The following GPAT3 variants were observed in gnomAD, a reference collection of about 807,000 sequenced individuals.
GPAT3 encodes the protein 1-AGP acyltransferase 9.
Under a neutral mutation model 58.8 loss-of-function variants are expected in GPAT3, and 53 were observed. That is an observed-to-expected ratio of 0.90 (90% CI 0.72 to 1.13). The LOEUF is 1.13. Among genes scored for constraint, GPAT3 ranks in the 50% most tolerant of loss-of-function variants. The pLI is 0.00. For missense variants in GPAT3, 511 were observed against 527.6 expected (o/e 0.97, Z 0.31); for synonymous variants, 197 against 187.4 (o/e 1.05, Z -0.42).
chr4:83,563,478 C>CTTTTTTTTTTTTTTTT (rs908400401), intron 2 of GPAT3, among the ~76,000 whole-genome samples: 1 of 114,456 alleles, frequency 8.7e-6, no homozygotes, highest in Non-Finnish European at 1.8e-5. Flanking sequence ...TTTCTTTCTT[C>CTTTTTTTTTTTTTTTT]TTTTTTTTTT....
At chr4:83,604,422 G>A in intron 11 of GPAT3, among the ~76,000 whole-genome samples, 1 of 152,102 alleles carries the variant, frequency 6.6e-6, no homozygotes, top group South Asian at 2.1e-4. Context: ...ACTGAGTTGG[G>A]GATATTGTTA....
rs1399650793 is a variant in GPAT3, at chr4:83,552,045, TG to T, written c.208+7445del. Among the ~76,000 whole-genome samples, 6 of 152,166 alleles carry T rather than the reference TG, an allele frequency of 3.9e-5. No individual in the cohort carries two copies. The East Asian group carries it at 9.6e-4, about 24-fold the overall frequency. On this transcript the variant is annotated intron_variant, in intron 2 of 11. Coordinates refer to ENST00000264409, the MANE Select transcript of GPAT3 (RefSeq NM_032717.5). ...GGTACCTTCTTGGGATGTGATTTGA[TG>T]GTTATCTGCTCCAAAACACAGCTCC...
chr4:83,565,804 G>A (rs1221678790), intron 2 of GPAT3, among the ~76,000 whole-genome samples: 2 of 152,212 alleles, frequency 1.3e-5, no homozygotes, highest in Non-Finnish European at 2.9e-5. Flanking sequence ...CTCATGCCCC[G>A]AGCTCTCGGC....
intron 3 of GPAT3, among the ~76,000 whole-genome samples, 199 bp from the exon 4 acceptor site, chr4:83,587,056 T>C (rs532915052): frequency 1.3e-5 from 2 of 152,258 alleles, no homozygotes; most frequent in African/African-American, 4.8e-5. Flanking sequence ...CTTACTTTGC[T>C]TTTTGCCTCT....
intron 2 of GPAT3, among the ~76,000 whole-genome samples, chr4:83,546,039 C>T (rs994370526): frequency 7.9e-5 from 12 of 152,160 alleles, no homozygotes; most frequent in African/African-American, 1.2e-4. Flanking sequence ...GGCTGGAGTG[C>T]GGTGGCGAGA....
chr4:83,594,456 C>A (rs1377435560), intron 6 of GPAT3, among the ~76,000 whole-genome samples: 5 of 152,172 alleles, frequency 3.3e-5, no homozygotes. Context: ...TGCTCCCTTC[C>A]ACCAAGCAAT....
intron 1 of GPAT3, among the ~76,000 whole-genome samples, chr4:83,538,713 C>A (rs6857743): frequency 0.011 from 1,615 of 152,108 alleles, 29 homozygotes; most frequent in African/African-American, 0.037. Context: ...AGTCCAGGAT[C>A]TGACTTTCAG....
intron 3 of GPAT3, 82 bp downstream of exon 3, chr4:83,581,914 T>C: frequency 1.3e-6 from 2 of 1,515,910 alleles, no homozygotes; most frequent in Non-Finnish European, 1.8e-6. Flanking sequence ...CACGTAAGTG[T>C]TCTGTGGTGC....
At chr4:83,580,394 G>A (rs1157734365) in intron 2 of GPAT3, among the ~76,000 whole-genome samples, 2 of 152,102 alleles carry the variant, frequency 1.3e-5, no homozygotes, top group African/African-American at 2.4e-5. Context: ...GTTAATGGGT[G>A]CATTTTATAT....
chr4:83,574,967 CTG>C (rs1491469315), intron 2 of GPAT3, among the ~76,000 whole-genome samples: 6 of 150,602 alleles, frequency 4.0e-5, no homozygotes, highest in African/African-American at 7.3e-5. Flanking sequence ...GCTCCGCCCC[CTG>C]GGGTTCACGC....
chr4:83,583,209 G>A (rs565666543), intron 3 of GPAT3, among the ~76,000 whole-genome samples: 1 of 152,070 alleles, frequency 6.6e-6, no homozygotes, highest in African/African-American at 2.4e-5. Flanking sequence ...CAGGAGAATC[G>A]CTTGAACCTG....
At chr4:83,551,953 A>G (rs1365076394) in intron 2 of GPAT3, among the ~76,000 whole-genome samples, 4 of 152,050 alleles carry the variant, frequency 2.6e-5, no homozygotes, top group African/African-American at 7.2e-5. Context: ...ACCAAATAAA[A>G]CATCAGTAGT....
At chr4:83,559,312 A>G (rs1488799392) in intron 2 of GPAT3, among the ~76,000 whole-genome samples, 1 of 152,032 alleles carries the variant, frequency 6.6e-6, no homozygotes, top group African/African-American at 2.4e-5. Context: ...TAAGCAGAGA[A>G]AGCAGGAAAG....
chr4:83,548,929 T>C (rs1398788125), intron 2 of GPAT3, among the ~76,000 whole-genome samples: 1 of 152,176 alleles, frequency 6.6e-6, no homozygotes, highest in Non-Finnish European at 1.5e-5. Context: ...AATTTTACTT[T>C]GGGAATTTTT....
At chr4:83,571,707 CAT>C (rs377150867) in intron 2 of GPAT3, among the ~76,000 whole-genome samples, 4 of 150,592 alleles carry the variant, frequency 2.7e-5, no homozygotes, top group South Asian at 2.1e-4. Flanking sequence ...TACACACACA[CAT>C]ATATATACAC....
At chr4:83,574,882 G>GT (rs1317801458) in intron 2 of GPAT3, among the ~76,000 whole-genome samples, 19,058 of 96,698 alleles carry the variant, frequency 0.2, 1,726 homozygotes, top group East Asian at 0.26. Flanking sequence ...TTTTTTTTTT[G>GT]TTTTTTTTTT....
intron 6 of GPAT3, among the ~76,000 whole-genome samples, chr4:83,591,947 T>C (rs906941198): frequency 1.2e-4 from 19 of 152,136 alleles, no homozygotes; most frequent in African/African-American, 4.3e-4. Context: ...CATCACATGG[T>C]ATAAGGCAGA....
At chr4:83,598,838 A>T in intron 11 of GPAT3, 115 bp downstream of exon 11, 1 of 698,910 alleles carries the variant, frequency 1.4e-6, no homozygotes. Context: ...GCATGATCAT[A>T]GTTCACTGTA....
intron 2 of GPAT3, among the ~76,000 whole-genome samples, chr4:83,566,877 T>C (rs1725415138): frequency 6.6e-6 from 1 of 151,990 alleles, no homozygotes; most frequent in South Asian, 2.1e-4. Context: ...GTATTGCACA[T>C]TTCCTCTTAG....
Sources: gnomAD v4.1 joint callset for allele counts (sites outside exome capture counted in the v4.1 genomes callset) on GRCh38, gnomAD v4.1.1 for gene constraint, MANE v1.5 for transcripts, NCBI Gene and HGNC (gene_info 2026-07-23, HGNC 2026-07-21) for gene names.